The following NFAT5 variants were observed in gnomAD, a reference collection of about 807,000 sequenced individuals.
The protein encoded by NFAT5 is nuclear factor of activated T-cells 5.
A neutral mutation model predicts 166.5 loss-of-function variants in NFAT5; 31 were observed. The ratio of observed to expected loss-of-function variants is 0.19; its 90% CI spans 0.14 to 0.25. The LOEUF (loss-of-function observed/expected upper bound fraction) is 0.25. Ranked by LOEUF, NFAT5 falls within the 10% of genes least tolerant of loss-of-function variation. The pLI, the probability that NFAT5 is intolerant of heterozygous loss-of-function variation, is 1.00. For missense variants in NFAT5, 1,449 were observed against 1,821.8 expected, an observed-to-expected ratio of 0.80 and a Z score of 3.72; for synonymous variants, 612 against 639.7, an observed-to-expected ratio of 0.96 and a Z score of 0.65.
rs528617285 is a variant in NFAT5 at position 69,582,534 on chromosome 16, A to G, written c.127+13986A>G. 7.3e-5 allele frequency among the ~76,000 whole-genome samples: 11 copies of G among 150,918 alleles called. No individual in the cohort carries two copies. The South Asian group carries it at 2.3e-3, about 32-fold the overall frequency. On this transcript the variant is annotated intron_variant, in intron 2 of 14. Transcript: ENST00000349945. ...GATCCATTTTGAGCTAAATTTGTATATTGTGTGAGGTAAGAGCCTAACAGC... is the reference window on the plus strand; with the variant it reads ...GATCCATTTTGAGCTAAATTTGTATGTTGTGTGAGGTAAGAGCCTAACAGC...
Position 69,566,428 on chromosome 16 carries a change from GAGA to G in NFAT5, c.73+55_73+57del. 1 of 1,409,948 alleles carries G rather than the reference GAGA, an allele frequency of 7.1e-7. No homozygotes were observed. The highest frequency in any genetic ancestry group is 9.8e-7 in the Non-Finnish European group (1 of 1,019,024). The allele number at this position is 1,409,948 out of a possible 1,614,324, so 87.3% of individuals were successfully genotyped here. A position where few individuals can be genotyped will look rare whatever the true frequency, so the allele number is the denominator to read the frequency against. ...GGGGGCGGGGAGACAGGGAGACAGG[GAGA>G]CAGGGCCAGGGGAGGCGAGGGGTCC... On this transcript the variant is annotated intron_variant, in intron 1 of 14. Coordinates refer to ENST00000349945, the MANE Select transcript of NFAT5 (RefSeq NM_138713.4). The surrounding 1 kb of genome is among the most constrained non-coding windows in gnomAD (Gnocchi z 5.7).
At chr16:69,659,364 C>T (rs1311580611) in intron 6 of NFAT5, among the ~76,000 whole-genome samples, 4 of 151,836 alleles carry the variant, frequency 2.6e-5, no homozygotes, top group Non-Finnish European at 5.9e-5. Context: ...ATCCCTTGAA[C>T]CCCAGGAGAC....
intron 7 of NFAT5, among the ~76,000 whole-genome samples, chr16:69,668,964 A>C (rs953021314): frequency 6.6e-6 from 1 of 151,960 alleles, no homozygotes; most frequent in East Asian, 1.9e-4. Flanking sequence ...TGCAGTCATG[A>C]CTCACTGCAG....
chr16:69,630,248 G>C (rs2034653403), intron 3 of NFAT5, among the ~76,000 whole-genome samples: 1 of 151,984 alleles, frequency 6.6e-6, no homozygotes, highest in African/African-American at 2.4e-5. Flanking sequence ...GGATGGTCTC[G>C]AACGAACTCC....
intron 6 of NFAT5, among the ~76,000 whole-genome samples, chr16:69,657,372 C>T (rs1014065355): frequency 2.0e-5 from 3 of 151,652 alleles, no homozygotes; most frequent in Middle Eastern, 3.2e-3. Context: ...TCAAATGATC[C>T]GCCCACCTCA....
chr16:69,621,497 C>T (rs2034197008), intron 2 of NFAT5, among the ~76,000 whole-genome samples: 1 of 152,168 alleles, frequency 6.6e-6, no homozygotes, highest in African/African-American at 2.4e-5. Context: ...TCCTCAGAAG[C>T]TGCCTTTCCA....
At chr16:69,654,022 GA>G (rs143857443) in intron 5 of NFAT5, among the ~76,000 whole-genome samples, 10,352 of 149,362 alleles carry the variant, frequency 0.069, 427 homozygotes, top group African/African-American at 0.1. Flanking sequence ...AGGAAATGAG[GA>G]AAAAAAAAGA....
Position 69,693,146 on chromosome 16 carries a change from A to C in NFAT5, c.3321A>C (p.Gln1107His). The C allele has an allele frequency of 6.2e-7, 1 of 1,614,138 alleles. No individual in the cohort carries two copies. The highest frequency in any genetic ancestry group is 1.7e-5 in the Admixed American group (1 of 60,026). ...CTCAGAACCTTTCCCAGGAAACTCA[A>C]GGTTCTCTCTTTCATAGTCCAAATC... ...ADAQNLSQET[Q>H]GSLFHSPNPI... Residue 1107 changes from glutamine (Q) to histidine (H), a missense_variant, in exon 13 of 15, where the codon CAA becomes CAC. Physicochemically the swap from Gln to His is conservative, Grantham distance 24. This residue lies in a region of NFAT5 where 891 missense variants were observed against 993.0 expected (regional missense o/e 0.90). Coordinates refer to ENST00000349945, the MANE Select transcript of NFAT5 (RefSeq NM_138713.4).
At chr16:69,686,625 G>A (rs1323394593) in intron 11 of NFAT5, among the ~76,000 whole-genome samples, 1 of 151,902 alleles carries the variant, frequency 6.6e-6, no homozygotes, top group Non-Finnish European at 1.5e-5. Context: ...GCACTTTGTG[G>A]GGCTGAGGTG....
At chr16:69,667,637 G>A (rs557425274) in intron 7 of NFAT5, among the ~76,000 whole-genome samples, 8 of 152,096 alleles carry the variant, frequency 5.3e-5, no homozygotes, top group African/African-American at 1.9e-4. Flanking sequence ...AATGAGATAT[G>A]GGAAAAAGTT....
At chr16:69,662,389 A>G (rs1039822034) in intron 7 of NFAT5, among the ~76,000 whole-genome samples, 1 of 152,146 alleles carries the variant, frequency 6.6e-6, no homozygotes, top group African/African-American at 2.4e-5. Flanking sequence ...TGATTGGAAT[A>G]AAAAGATATA....
At position 69,695,130 on chromosome 16, in the gene NFAT5, C is replaced by G. The variant is rs774397341; in HGVS notation, c.4415-6C>G. The G allele has an allele frequency of 1.2e-6, 2 of 1,609,310 alleles. No homozygotes were observed. The highest frequency in any genetic ancestry group is 1.7e-6 in the Non-Finnish European group (2 of 1,175,626). ...TTTTAAGCTTCTGTTTTCAATGTCTCTGCAGACTGTAGTCAGCTTTTAACC... is the reference window on the plus strand; with the variant it reads ...TTTTAAGCTTCTGTTTTCAATGTCTGTGCAGACTGTAGTCAGCTTTTAACC... On this transcript the variant is annotated splice_region_variant and splice_polypyrimidine_tract_variant and intron_variant, in intron 13 of 14. Coordinates refer to ENST00000349945, the MANE Select transcript of NFAT5 (RefSeq NM_138713.4).
At chr16:69,621,784 AG>A (rs2034208753) in intron 2 of NFAT5, among the ~76,000 whole-genome samples, 1 of 152,020 alleles carries the variant, frequency 6.6e-6, no homozygotes, top group African/African-American at 2.4e-5. Flanking sequence ...TGGGCAACAG[AG>A]GGAGACTCTG....
At chr16:69,621,946 C>T (rs2034218710) in intron 2 of NFAT5, among the ~76,000 whole-genome samples, 1 of 150,868 alleles carries the variant, frequency 6.6e-6, no homozygotes, top group Non-Finnish European at 1.5e-5. Context: ...CTGGATGACA[C>T]AGTGAGACCC....
chr16:69,612,238 C>T (rs960623840), intron 2 of NFAT5, among the ~76,000 whole-genome samples: 1 of 152,086 alleles, frequency 6.6e-6, no homozygotes, highest in African/African-American at 2.4e-5. Flanking sequence ...GAACCTTAGT[C>T]AGAGAAGACA....
At chr16:69,695,080 A>G in intron 13 of NFAT5, 56 bp from the exon 14 acceptor site, 4 of 1,246,872 alleles carry the variant, frequency 3.2e-6, no homozygotes, top group Non-Finnish European at 4.6e-6. Context: ...TTCTATTTTT[A>G]ATGTTTCTGC....
At chr16:69,617,495 CT>C (rs898627380) in intron 2 of NFAT5, among the ~76,000 whole-genome samples, 320 of 141,840 alleles carry the variant, frequency 2.3e-3, no homozygotes, top group Middle Eastern at 7.4e-3. Context: ...ATTTTCTTTT[CT>C]TTTTTTTTTT....
At chr16:69,577,796 T>TTATATA (rs2016843052) in intron 2 of NFAT5, among the ~76,000 whole-genome samples, 4 of 152,030 alleles carry the variant, frequency 2.6e-5, no homozygotes, top group African/African-American at 9.7e-5. Flanking sequence ...AGGACACGGG[T>TTATATA]TATATATATT....
Position 69,655,123 on chromosome 16 carries a change from C to T in NFAT5, c.1006-486C>T, listed in dbSNP as rs1197025147. On this transcript the variant is annotated intron_variant, in intron 5 of 14. Transcript: ENST00000349945. ...TGATGTTATATGTATGTATCTAGTC[C>T]GTGAAAATGAGCTTCATTTCCTTCT... Among the ~76,000 whole-genome samples the T allele has an allele frequency of 3.9e-5, 6 of 151,982 alleles. 1 individual carries two copies. The highest frequency in any genetic ancestry group is 4.2e-4 in the South Asian group (2 of 4,814).
Sources: gnomAD v4.1 joint callset for allele counts (sites outside exome capture counted in the v4.1 genomes callset) on GRCh38, gnomAD v4.1.1 for gene constraint, gnomAD v4.1.1 regional missense constraint, Gnocchi (gnomAD v3.1) non-coding constraint, MANE v1.5 for transcripts, NCBI Gene and HGNC (gene_info 2026-07-23, HGNC 2026-07-21) for gene names.